The following RRP1B variants were observed in gnomAD, a reference collection of about 807,000 sequenced individuals.
The protein encoded by RRP1B is ribosomal RNA processing protein 1 homolog B.
Under a neutral mutation model 80.2 loss-of-function variants are expected in RRP1B, and 56 were observed. The ratio of observed to expected loss-of-function variants is 0.70; its 90% confidence interval spans 0.56 to 0.87. RRP1B has a LOEUF of 0.87. Among genes scored for constraint, RRP1B ranks in the 40% least tolerant of loss-of-function variants. RRP1B has a pLI of 0.00. For synonymous variants in RRP1B, 351 were observed against 357.6 expected (o/e 0.98, Z 0.21); for missense variants, 807 against 939.8 (o/e 0.86, Z 1.85).
intron 1 of RRP1B, among the ~76,000 whole-genome samples, chr21:43,661,034 C>A (rs945601967): frequency 6.6e-6 from 1 of 152,130 alleles, no homozygotes; most frequent in Non-Finnish European, 1.5e-5. Flanking sequence ...ATTATCTCCC[C>A]CATCACTGAC....
At chr21:43,672,920 C>T (rs1203606901) in intron 3 of RRP1B, among the ~76,000 whole-genome samples, 1 of 152,092 alleles carries the variant, frequency 6.6e-6, no homozygotes, top group East Asian at 1.9e-4. Flanking sequence ...TATTAGCTGA[C>T]TCATATTGAA....
rs1038425497 is a variant in RRP1B at position 43,689,773 on chromosome 21, C to T, written c.1867-515C>T. On this transcript the variant is annotated intron_variant, in intron 13 of 15. Transcript: ENST00000340648. ...CACACTTGAACCTGCCGGAGCCACC[C>T]GTGTGTCGGCAGCGGCACTGGGCTG... Among the ~76,000 whole-genome samples, 66 of 152,246 alleles carry T rather than the reference C, an allele frequency of 4.3e-4. 1 individual carries two copies. The highest frequency in any genetic ancestry group is 3.1e-4 in the African/African-American group (13 of 41,470).
intron 8 of RRP1B, among the ~76,000 whole-genome samples, chr21:43,678,892 T>G (rs2147169572): frequency 6.6e-6 from 1 of 152,326 alleles, no homozygotes; most frequent in East Asian, 1.9e-4. Flanking sequence ...ATTTGTATGG[T>G]TTCAGGTCTT....
intron 1 of RRP1B, among the ~76,000 whole-genome samples, chr21:43,667,843 A>C (rs1358575781): frequency 6.6e-6 from 1 of 152,218 alleles, no homozygotes; most frequent in Admixed American, 6.5e-5. Context: ...GTGAAAGGGA[A>C]TATACTTTAA....
At chr21:43,663,402 G>A (rs763828626) in intron 1 of RRP1B, among the ~76,000 whole-genome samples, 7 of 151,820 alleles carry the variant, frequency 4.6e-5, no homozygotes, top group Non-Finnish European at 7.4e-5. Context: ...AGTAGCGAGC[G>A]CCCACCACCA....
Position 43,695,230 on chromosome 21 carries a change from C to T in RRP1B, c.*1847C>T, listed in dbSNP as rs1343907563. The T allele has an allele frequency of 6.6e-6, 1 of 151,018 alleles. No homozygotes were observed. The allele number at this position is 151,018 out of a possible 1,614,324, so 9.4% of individuals were successfully genotyped here. A position where few individuals can be genotyped will look rare whatever the true frequency, so the allele number is the denominator to read the frequency against. On this transcript the variant is annotated 3_prime_UTR_variant, in exon 16 of 16. Transcript: ENST00000340648. ...AATATTTTTCTAACAATTTTTATTT[C>T]AGCTTTAAAGATGGGTCATATAGCC...
intron 4 of RRP1B, among the ~76,000 whole-genome samples, chr21:43,674,301 C>T (rs918215043): frequency 2.6e-5 from 4 of 152,130 alleles, no homozygotes; most frequent in Admixed American, 1.3e-4. Flanking sequence ...GGATTACAGA[C>T]GCGCACCACC....
Position 43,676,759 on chromosome 21 carries a change from G to A in RRP1B, c.641G>A (p.Arg214Gln), listed in dbSNP as rs1313799906. ...KDHTLVQTIA[R>Q]GVFEAIVDQS... ...CACACCCTGGTACAGACCATAGCTC[G>A]GGGTGTCTTCGAAGCTATCGTAGAT... The change falls in exon 8 of 16, where the codon CGG (arginine) becomes CAG (glutamine). Residue 214 changes from arginine (R) to glutamine (Q), a missense_variant. Coordinates refer to ENST00000340648, the MANE Select transcript of RRP1B (RefSeq NM_015056.3). The A allele has an allele frequency of 3.7e-6, 6 of 1,614,186 alleles. No individual in the cohort carries two copies. The highest frequency in any genetic ancestry group is 2.2e-5 in the East Asian group (1 of 44,886).
chr21:43,659,980 C>T lies in RRP1B; in HGVS notation c.130+186C>T, dbSNP rs1008133164. 5.9e-5 allele frequency among the ~76,000 whole-genome samples: 9 copies of T among 152,200 alleles called. No individual in the cohort carries two copies. The East Asian group carries it at 1.5e-3, about 26-fold the overall frequency. On this transcript the variant is annotated intron_variant, in intron 1 of 15. Transcript: ENST00000340648. The surrounding 1 kb of genome is among the most constrained non-coding windows in gnomAD (Gnocchi z 4.2). The stretch of plus-strand genomic sequence containing the variant: ...TAGTGCCTTTTTACACTTAAGGAAA[C>T]GGGTTGAGGGGGTTCCGTTACTTAT...
In RRP1B at chr21:43,686,964, C is replaced by T. The variant is rs200721138; in HGVS notation, c.1141+29C>T. 4.0e-5 allele frequency: 65 copies of T among 1,607,076 alleles called. 1 individual carries two copies. The African/African-American group carries it at 6.9e-4, about 17-fold the overall frequency. On this transcript the variant is annotated intron_variant, in intron 12 of 15. Transcript: ENST00000340648. ...AGCTGTAAAGCTAAAAAGAAGGGCA[C>T]GACTCAGCCCTTGGGGAGCGGCATG...
chr21:43,660,530 C>G (rs1448113887), intron 1 of RRP1B, among the ~76,000 whole-genome samples: 1 of 152,146 alleles, frequency 6.6e-6, no homozygotes, highest in African/African-American at 2.4e-5. Context: ...GCATTGCACT[C>G]CGGCCTGGGC....
At position 43,683,342 on chromosome 21, in the gene RRP1B, G is replaced by T; in HGVS notation, c.860G>T (p.Gly287Val). ...GATGAAAGAGGAAGAGATGACTGTG[G>T]AACCTTTGAGGACACAGGGCCCCTT... ...LSDERGRDDC[G>V]TFEDTGPLLQ... is the part of the protein sequence containing the mutation. Residue 287 changes from glycine (G) to valine (V), a missense_variant, in exon 9 of 16, where the codon GGA (glycine) becomes GTA (valine). Physicochemically the swap from Gly to Val is moderately radical, Grantham distance 109. Coordinates refer to ENST00000340648, the MANE Select transcript of RRP1B (RefSeq NM_015056.3). 1 of 1,614,166 alleles carries T rather than the reference G, an allele frequency of 6.2e-7. No homozygotes were observed. The highest frequency in any genetic ancestry group is 1.1e-5 in the South Asian group (1 of 91,084).
At chr21:43,675,238 G>A (rs1015779984) in intron 6 of RRP1B, 75 bp downstream of exon 6, 2 of 1,466,308 alleles carry the variant, frequency 1.4e-6, no homozygotes, top group Non-Finnish European at 1.9e-6. Context: ...GTGAAGTGCT[G>A]TGGGGTGGCC....
At chr21:43,661,225 G>A (rs1192947117) in intron 1 of RRP1B, among the ~76,000 whole-genome samples, 1 of 152,150 alleles carries the variant, frequency 6.6e-6, no homozygotes, top group African/African-American at 2.4e-5. Flanking sequence ...CATATATGCT[G>A]GTGGTTTCTA....
chr21:43,690,130 G>A lies in RRP1B; in HGVS notation c.1867-158G>A, dbSNP rs114972809. Among the ~76,000 whole-genome samples, 813 of 152,370 alleles carry A rather than the reference G, an allele frequency of 5.3e-3. 9 individuals carry two copies. The highest frequency in any genetic ancestry group is 0.017 in the African/African-American group (726 of 41,598). Reference sequence around the variant, plus strand: ...TTGTGCGTGAAGCCTGAGCTCTGCCGAATGGAAGGGCTGTCTGCAAGTGCG... The same window carrying A: ...TTGTGCGTGAAGCCTGAGCTCTGCCAAATGGAAGGGCTGTCTGCAAGTGCG... On this transcript the variant is annotated intron_variant, in intron 13 of 15. Transcript: ENST00000340648.
At chr21:43,685,077 T>C (rs2083057963) in intron 10 of RRP1B, among the ~76,000 whole-genome samples, 1 of 152,190 alleles carries the variant, frequency 6.6e-6, no homozygotes, top group Non-Finnish European at 1.5e-5. Context: ...ACTCTGACCA[T>C]AGTGACATGA....
In RRP1B at chr21:43,672,360, C is replaced by G. The variant is rs550211338; in HGVS notation, c.266C>G (p.Ala89Gly). 1.2e-6 allele frequency: 2 copies of G among 1,613,642 alleles called. No individual in the cohort carries two copies. Among genetic ancestry groups the G allele is most frequent in the Admixed American group, 1.7e-5 (1 of 60,020 alleles). The change falls in exon 3 of 16, where the codon GCG (alanine) becomes GGG (glycine). Residue 89 changes from alanine to glycine, a missense_variant. Physicochemically the swap from Ala to Gly is moderately conservative, Grantham distance 60. Transcript: ENST00000340648. ...CTAGTCCATGCTGTTAACAACTCAGCGGCTCGTAAGTCCTGTTGTTTCTTC... is the reference window on the plus strand; with the variant it reads ...CTAGTCCATGCTGTTAACAACTCAGGGGCTCGTAAGTCCTGTTGTTTCTTC... ...AQLVHAVNNS[A>G]AQHLFIQTFW... is the part of the protein sequence containing the mutation.
intron 11 of RRP1B, chr21:43,686,221 G>A (rs2083062631): frequency 6.1e-6 from 1 of 163,864 alleles, no homozygotes; most frequent in Non-Finnish European, 1.3e-5. Flanking sequence ...TTCCTATCCT[G>A]GGCTCTCCCT....
At position 43,691,350 on chromosome 21, in the gene RRP1B, C is replaced by A; in HGVS notation, c.2020-89C>A. ...TAAGCAGCAGTGTGGGCGGCATACC[C>A]TCCAGGGCAGGTTCTCCAGAAAAAT... On this transcript the variant is annotated intron_variant, in intron 14 of 15. Coordinates refer to ENST00000340648, the MANE Select transcript of RRP1B (RefSeq NM_015056.3). The surrounding 1 kb of genome is among the most constrained non-coding windows in gnomAD (Gnocchi z 4.2). 8.0e-7 allele frequency: 1 copy of A among 1,243,296 alleles called. No homozygotes were observed. The highest frequency in any genetic ancestry group is 1.2e-6 in the Non-Finnish European group (1 of 857,174). The allele number at this position is 1,243,296 out of a possible 1,614,324, so 77.0% of individuals were successfully genotyped here.
Sources: gnomAD v4.1 joint callset for allele counts (sites outside exome capture counted in the v4.1 genomes callset) on GRCh38, gnomAD v4.1.1 for gene constraint, Gnocchi (gnomAD v3.1) non-coding constraint, MANE v1.5 for transcripts, NCBI Gene and HGNC (gene_info 2026-07-23, HGNC 2026-07-21) for gene names.